CSMD1: variants seen among roughly 807,000 people sequenced by gnomAD.
CSMD1 encodes CUB and sushi domain-containing protein 1.
CSMD1 carries 213 observed loss-of-function variants against 417.5 expected under a neutral mutation model. That is an observed-to-expected ratio of 0.51 (90% CI 0.46 to 0.57). CSMD1 has a LOEUF of 0.57. Among genes scored for constraint, CSMD1 ranks in the 20% least tolerant of loss-of-function variants. The pLI, the probability that CSMD1 is intolerant of heterozygous loss-of-function variation, is 0.00. For missense variants in CSMD1, 6,923 were observed against 4,529.7 expected (o/e 1.53, Z -15.17); for synonymous variants, 2,862 against 1,736.8 (o/e 1.65, Z -16.11).
intron 7 of CSMD1, among the ~76,000 whole-genome samples, chr8:3,654,619 A>T (rs961716809): frequency 1.3e-5 from 2 of 152,240 alleles, no homozygotes; most frequent in Non-Finnish European, 2.9e-5. Context: ...TTTTCAAAGC[A>T]GGGCAGCCTT....
chr8:3,802,309 C>T lies in CSMD1; in HGVS notation c.819-48267G>A, dbSNP rs559157325. 6.6e-5 allele frequency among the ~76,000 whole-genome samples: 10 copies of T among 152,062 alleles called. No individual in the cohort carries two copies. The Middle Eastern group carries it at 0.017, about 259-fold the overall frequency. ...ATTTTTCCACTTTAAAATACTATTGCCATTTATTATAGTAATTCCTATTAT... is the reference window on the plus strand; with the variant it reads ...ATTTTTCCACTTTAAAATACTATTGTCATTTATTATAGTAATTCCTATTAT... On this transcript the variant is annotated intron_variant, in intron 5 of 69. Transcript: ENST00000635120.
At chr8:4,312,982 T>C (rs771731110) in intron 3 of CSMD1, among the ~76,000 whole-genome samples, 23 of 152,268 alleles carry the variant, frequency 1.5e-4, no homozygotes, top group South Asian at 8.3e-4. Context: ...AAGGTAAGTT[T>C]TGCGGGGAAA....
chr8:4,763,748 T>A (rs1157508463), intron 1 of CSMD1, among the ~76,000 whole-genome samples: 2 of 152,226 alleles, frequency 1.3e-5, no homozygotes, highest in Non-Finnish European at 1.5e-5. Flanking sequence ...GAATACCATT[T>A]CAAGAGGCAG....
At chr8:3,586,688 A>G (rs959156338) in intron 8 of CSMD1, among the ~76,000 whole-genome samples, 1 of 152,210 alleles carries the variant, frequency 6.6e-6, no homozygotes, top group African/African-American at 2.4e-5. Context: ...TTAAGAAAAT[A>G]TGTCAGTAAA....
chr8:4,056,540 T>C (rs72624075), intron 3 of CSMD1, among the ~76,000 whole-genome samples: 18,102 of 151,932 alleles, frequency 0.12, 1,617 homozygotes, highest in East Asian at 0.36. Context: ...AATTTTATTA[T>C]TATTATTATT....
intron 5 of CSMD1, among the ~76,000 whole-genome samples, chr8:3,994,096 G>A (rs1292539741): frequency 1.4e-4 from 21 of 152,168 alleles, no homozygotes; most frequent in Admixed American, 1.4e-3. Context: ...TCTGTCTCAG[G>A]GAGCTGAAGC....
intron 3 of CSMD1, among the ~76,000 whole-genome samples, chr8:4,295,489 A>G (rs979259560): frequency 7.1e-6 from 1 of 141,332 alleles, no homozygotes; most frequent in African/African-American, 2.6e-5. Flanking sequence ...TAATCTTAAG[A>G]TTAAATATAT....
chr8:4,637,982 A>C (rs13249524), intron 1 of CSMD1, among the ~76,000 whole-genome samples: 75,477 of 151,866 alleles, frequency 0.5, 19,900 homozygotes, highest in South Asian at 0.65. Flanking sequence ...GCCAATTTTT[A>C]CAACATTTTA....
chr8:3,500,936 T>C (rs542964159), intron 10 of CSMD1, among the ~76,000 whole-genome samples: 10 of 152,278 alleles, frequency 6.6e-5, no homozygotes, highest in South Asian at 4.1e-4. Flanking sequence ...ATGGAGAATA[T>C]TGCAAGAGAA....
At chr8:4,499,209 C>G (rs1423852602) in intron 2 of CSMD1, among the ~76,000 whole-genome samples, 1 of 152,144 alleles carries the variant, frequency 6.6e-6, no homozygotes, top group Non-Finnish European at 1.5e-5. Context: ...CTCAGAAAGA[C>G]TTCACAAACA....
At chr8:4,793,212 A>G (rs1273715842) in intron 1 of CSMD1, among the ~76,000 whole-genome samples, 2 of 152,142 alleles carry the variant, frequency 1.3e-5, no homozygotes, top group East Asian at 1.9e-4. Flanking sequence ...TAATTGCAGC[A>G]CAAGACATGA....
At chr8:3,418,407 G>A (rs957339321) in intron 12 of CSMD1, among the ~76,000 whole-genome samples, 12 of 152,172 alleles carry the variant, frequency 7.9e-5, no homozygotes, top group African/African-American at 2.7e-4. Context: ...TGGTGATCCT[G>A]CCCAGAAAAC....
intron 20 of CSMD1, among the ~76,000 whole-genome samples, chr8:3,361,333 A>T (rs1163440997): frequency 6.6e-6 from 1 of 152,078 alleles, no homozygotes; most frequent in Non-Finnish European, 1.5e-5. Context: ...CATTTCTTTA[A>T]AAATAGTTGA....
chr8:4,056,410 T>C (rs888785880), intron 3 of CSMD1, among the ~76,000 whole-genome samples: 12 of 150,128 alleles, frequency 8.0e-5, no homozygotes, highest in Non-Finnish European at 1.6e-4. Flanking sequence ...TTTTTTTTCT[T>C]TTTTTTTTGT....
At chr8:3,708,720 A>G (rs1378882563) in intron 6 of CSMD1, among the ~76,000 whole-genome samples, 2 of 152,198 alleles carry the variant, frequency 1.3e-5, no homozygotes, top group Non-Finnish European at 2.9e-5. Flanking sequence ...GTCGGAAGCT[A>G]AAAATAATAC....
At chr8:4,088,685 A>C (rs1800551038) in intron 3 of CSMD1, among the ~76,000 whole-genome samples, 1 of 152,008 alleles carries the variant, frequency 6.6e-6, no homozygotes, top group African/African-American at 2.4e-5. Context: ...CTCATTCCTC[A>C]GTTCATTGCA....
intron 23 of CSMD1, among the ~76,000 whole-genome samples, chr8:3,309,061 C>G (rs1248892994): frequency 6.6e-6 from 1 of 152,104 alleles, no homozygotes; most frequent in Non-Finnish European, 1.5e-5. Context: ...ACAACTTCAT[C>G]TGTCAGTCCA....
At chr8:4,874,259 G>T (rs1031093180) in intron 1 of CSMD1, among the ~76,000 whole-genome samples, 1 of 152,008 alleles carries the variant, frequency 6.6e-6, no homozygotes, top group East Asian at 1.9e-4. Context: ...AATTACGTGG[G>T]ATACTGCCTA....
chr8:3,905,826 G>A (rs17067890), intron 5 of CSMD1, among the ~76,000 whole-genome samples: 2 of 152,016 alleles, frequency 1.3e-5, no homozygotes, highest in Admixed American at 1.3e-4. Flanking sequence ...CAAACATCTG[G>A]GCCTGGCATT....
Sources: allele counts gnomAD v4.1 joint callset (sites outside exome capture counted in the v4.1 genomes callset), GRCh38; gene constraint gnomAD v4.1.1; transcripts MANE v1.5; gene names NCBI Gene and HGNC (gene_info 2026-07-23, HGNC 2026-07-21).